Variants in ALK observed in about 807,000 individuals in gnomAD.
The protein encoded by ALK is ALK tyrosine kinase receptor.
In ALK, 74 loss-of-function variants were observed where a neutral mutation model predicts 163.1. That is an observed-to-expected ratio of 0.45 (90% CI 0.38 to 0.55). The LOEUF (loss-of-function observed/expected upper bound fraction) is 0.55. Ranked by LOEUF, ALK falls within the 20% of genes least tolerant of loss-of-function variation. ALK has a pLI of 0.00. For synonymous variants in ALK, 960 were observed against 843.2 expected (o/e 1.14, Z -2.40); for missense variants, 2,063 against 2,105.3 (o/e 0.98, Z 0.39).
At position 29,920,054 on chromosome 2, in the gene ALK, T is replaced by A. The variant is rs2148442889; in HGVS notation, c.606A>T (p.Gly202=). Residue 202 remains glycine, a synonymous_variant, in exon 1 of 29, where the codon GGA becomes GGT. Coordinates refer to ENST00000389048, the MANE Select transcript of ALK (RefSeq NM_004304.5). ...AGGCGCGAATTGCCGCGGACAGCCT[T>A]CCCTCTCTGCCCACTTCCGACGCCT... ...EKKASEVGRE[G]RLSAAIRASQ... is the part of the protein sequence containing the mutation. The A allele has an allele frequency of 1.9e-6, 3 of 1,614,166 alleles. No individual in the cohort carries two copies. Among genetic ancestry groups the A allele is most frequent in the Non-Finnish European group, 2.5e-6 (3 of 1,180,046 alleles).
intron 4 of ALK, among the ~76,000 whole-genome samples, chr2:29,462,275 G>A (rs1027650352): frequency 1.3e-5 from 2 of 152,172 alleles, no homozygotes; most frequent in South Asian, 2.1e-4. Context: ...AGCAGTAGCA[G>A]GGTTTGAGAG....
intron 5 of ALK, among the ~76,000 whole-genome samples, chr2:29,373,686 G>A (rs1174856153): frequency 6.6e-6 from 1 of 152,188 alleles, no homozygotes; most frequent in Non-Finnish European, 1.5e-5. Context: ...GAACTTCTTT[G>A]CCAACAGTAG....
At chr2:29,273,091 G>GC (rs1391854526) in intron 11 of ALK, among the ~76,000 whole-genome samples, 1 of 152,150 alleles carries the variant, frequency 6.6e-6, no homozygotes, top group Non-Finnish European at 1.5e-5. Flanking sequence ...CTTCTTCAGG[G>GC]GGCCTCCCAG....
intron 3 of ALK, among the ~76,000 whole-genome samples, chr2:29,624,393 T>C (rs765853437): frequency 6.6e-6 from 1 of 152,206 alleles, no homozygotes; most frequent in Non-Finnish European, 1.5e-5. Context: ...GTTTCATGTC[T>C]GTATATGAGT....
chr2:29,319,880 T>C (rs1387849077), intron 7 of ALK, among the ~76,000 whole-genome samples: 1 of 152,240 alleles, frequency 6.6e-6, no homozygotes, highest in Admixed American at 6.5e-5. Context: ...AAATAAGCAT[T>C]GGAGGGTCTC....
At chr2:29,434,054 A>G (rs1670340526) in intron 4 of ALK, among the ~76,000 whole-genome samples, 1 of 152,076 alleles carries the variant, frequency 6.6e-6, no homozygotes, top group Non-Finnish European at 1.5e-5. Context: ...AAGCATGGAG[A>G]AGGGGATGCT....
intron 1 of ALK, among the ~76,000 whole-genome samples, chr2:29,828,290 T>C (rs1017741588): frequency 2.0e-5 from 3 of 152,070 alleles, no homozygotes; most frequent in Non-Finnish European, 4.4e-5. Flanking sequence ...CCAAAAGCAA[T>C]GGCAACAAAA....
intron 3 of ALK, among the ~76,000 whole-genome samples, chr2:29,588,045 T>C (rs1282804554): frequency 6.6e-6 from 1 of 152,174 alleles, no homozygotes; most frequent in Non-Finnish European, 1.5e-5. Context: ...GTCCCCATCC[T>C]GGACAGATTT....
At chr2:29,323,865 A>G (rs1463829762) in intron 6 of ALK, among the ~76,000 whole-genome samples, 3 of 152,182 alleles carry the variant, frequency 2.0e-5, no homozygotes, top group African/African-American at 7.2e-5. Context: ...ACACTGGAAG[A>G]CTTCAAAACT....
At chr2:29,688,236 G>A (rs1473658847) in intron 3 of ALK, among the ~76,000 whole-genome samples, 3 of 152,196 alleles carry the variant, frequency 2.0e-5, no homozygotes, top group African/African-American at 7.2e-5. Flanking sequence ...GGAAGAGAGT[G>A]GACCAGGAGA....
chr2:29,368,851 C>T (rs1442361365), intron 5 of ALK, among the ~76,000 whole-genome samples: 1 of 152,108 alleles, frequency 6.6e-6, no homozygotes, highest in Non-Finnish European at 1.5e-5. Context: ...CCTTTAAAAC[C>T]CTGGCAAAAG....
At chr2:29,555,269 C>T (rs1042867225) in intron 3 of ALK, among the ~76,000 whole-genome samples, 2 of 152,034 alleles carry the variant, frequency 1.3e-5, no homozygotes, top group Admixed American at 1.3e-4. Flanking sequence ...CCACAATTTC[C>T]TAATGTCCCC....
At chr2:29,214,969 G>A (rs964916102) in intron 23 of ALK, among the ~76,000 whole-genome samples, 83 of 152,278 alleles carry the variant, frequency 5.5e-4, no homozygotes, top group African/African-American at 1.9e-3. Context: ...GTGTTGCGTG[G>A]CTGATTGGTT....
At chr2:29,798,838 GAA>G (rs937271305) in intron 1 of ALK, among the ~76,000 whole-genome samples, 1 of 151,920 alleles carries the variant, frequency 6.6e-6, no homozygotes, top group Admixed American at 6.6e-5. Flanking sequence ...TTTCCTGGGG[GAA>G]AAAAAAGAGA....
intron 3 of ALK, among the ~76,000 whole-genome samples, chr2:29,635,459 T>G (rs910280948): frequency 3.3e-5 from 5 of 152,140 alleles, no homozygotes; most frequent in Non-Finnish European, 5.9e-5. Flanking sequence ...AGGCAGAGAT[T>G]GGAGTGATGT....
At chr2:29,533,481 G>C (rs894559405) in intron 3 of ALK, among the ~76,000 whole-genome samples, 1 of 152,148 alleles carries the variant, frequency 6.6e-6, no homozygotes, top group African/African-American at 2.4e-5. Flanking sequence ...GGACTTCTAA[G>C]CAGTACTCTT....
intron 1 of ALK, among the ~76,000 whole-genome samples, chr2:29,775,552 A>C (rs576588181): frequency 6.6e-6 from 1 of 151,268 alleles, no homozygotes; most frequent in African/African-American, 2.4e-5. Flanking sequence ...AAAAAAAAAC[A>C]AAAACAAAAG....
chr2:29,772,774 G>A (rs966733825), intron 1 of ALK, among the ~76,000 whole-genome samples: 2 of 152,144 alleles, frequency 1.3e-5, no homozygotes, highest in Non-Finnish European at 2.9e-5. Context: ...TATAAAATTT[G>A]ATAACATGTT....
intron 4 of ALK, among the ~76,000 whole-genome samples, chr2:29,422,349 G>A (rs1670034819): frequency 6.6e-6 from 1 of 150,726 alleles, no homozygotes; most frequent in Non-Finnish European, 1.5e-5. Context: ...GCTTGTGAAT[G>A]ACTGACTACA....
Sources: gnomAD v4.1 joint callset for allele counts (sites outside exome capture counted in the v4.1 genomes callset) on GRCh38, gnomAD v4.1.1 for gene constraint, MANE v1.5 for transcripts, NCBI Gene and HGNC (gene_info 2026-07-23, HGNC 2026-07-21) for gene names.